FAM20C: variants seen among roughly 807,000 people sequenced by gnomAD.
The protein encoded by FAM20C is extracellular serine/threonine protein kinase FAM20C.
A neutral mutation model predicts 51.5 loss-of-function variants in FAM20C; 40 were observed. That is an observed-to-expected ratio of 0.78 (90% CI 0.60 to 1.01). The LOEUF (loss-of-function observed/expected upper bound fraction) is 1.01. Ranked by LOEUF, FAM20C falls within the 50% of genes least tolerant of loss-of-function variation. The pLI is 0.00. For synonymous variants in FAM20C, 406 were observed against 380.6 expected, an observed-to-expected ratio of 1.07 and a Z score of -0.78; for missense variants, 861 against 844.7, an observed-to-expected ratio of 1.02 and a Z score of -0.24.
At chr7:232,335 C>T (rs1328914591) in intron 3 of FAM20C, among the ~76,000 whole-genome samples, 1 of 152,230 alleles carries the variant, frequency 6.6e-6, no homozygotes, top group Non-Finnish European at 1.5e-5. Context: ...GCCCAGCCCC[C>T]CACCTCTCAG....
At chr7:228,106 G>A (rs1317217859) in intron 3 of FAM20C, 3 of 267,328 alleles carry the variant, frequency 1.1e-5, no homozygotes, top group Non-Finnish European at 2.2e-5. Flanking sequence ...AGAGCTGATG[G>A]GGGACGGCGG....
chr7:201,622 T>G (rs1786130468), intron 2 of FAM20C, among the ~76,000 whole-genome samples: 1 of 152,232 alleles, frequency 6.6e-6, no homozygotes, highest in South Asian at 2.1e-4. Flanking sequence ...GTTATGTGGC[T>G]TGCCTAAGGC....
intron 3 of FAM20C, among the ~76,000 whole-genome samples, chr7:233,917 A>G (rs1460678592): frequency 3.3e-5 from 5 of 152,188 alleles, no homozygotes; most frequent in Admixed American, 6.5e-5. Flanking sequence ...AAATCCTTCT[A>G]AGGGAAGGGG....
At chr7:224,229 C>A (rs1215286565) in intron 3 of FAM20C, among the ~76,000 whole-genome samples, 1 of 132,110 alleles carries the variant, frequency 7.6e-6, no homozygotes, top group Non-Finnish European at 1.6e-5. Flanking sequence ...AGCCTTCTCT[C>A]ACGGAGCAGA....
At chr7:253,324 G>A (rs1168355565) in intron 5 of FAM20C, among the ~76,000 whole-genome samples, 6 of 152,178 alleles carry the variant, frequency 3.9e-5, no homozygotes, top group African/African-American at 1.4e-4. Context: ...AAGGAATGGT[G>A]GGAGACGCTT....
intron 2 of FAM20C, among the ~76,000 whole-genome samples, chr7:196,191 T>G (rs778632663): frequency 8.5e-5 from 13 of 152,208 alleles, no homozygotes; most frequent in Non-Finnish European, 1.5e-4. Context: ...AAGCCGTCCT[T>G]CGTCAGACCT....
At chr7:247,537 T>C (rs1788217018) in intron 4 of FAM20C, among the ~76,000 whole-genome samples, 2 of 152,212 alleles carry the variant, frequency 1.3e-5, no homozygotes, top group African/African-American at 4.8e-5. Flanking sequence ...AGATCCCTAG[T>C]GACGCGGGCG....
intron 2 of FAM20C, among the ~76,000 whole-genome samples, chr7:196,957 C>A (rs548683811): frequency 6.6e-6 from 1 of 152,152 alleles, no homozygotes; most frequent in Admixed American, 6.5e-5. Flanking sequence ...TCCAGGCCCC[C>A]CTCCGTGAAA....
At chr7:197,834 C>G (rs1196444069) in intron 2 of FAM20C, among the ~76,000 whole-genome samples, 2 of 152,192 alleles carry the variant, frequency 1.3e-5, no homozygotes, top group African/African-American at 2.4e-5. Context: ...TGTGGGGCCC[C>G]CTGGGACCTG....
chr7:193,605 C>T lies in FAM20C; in HGVS notation c.406C>T (p.His136Tyr). 6.5e-7 allele frequency: 1 copy of T among 1,537,168 alleles called. No individual in the cohort carries two copies. The highest frequency in any genetic ancestry group is 8.8e-7 in the Non-Finnish European group (1 of 1,141,964). Residue 136 changes from histidine (H) to tyrosine (Y), a missense_variant, in exon 1 of 10, where the codon CAC (histidine) becomes TAC (tyrosine). Physicochemically the swap from His to Tyr is moderately conservative, Grantham distance 83 (BLOSUM62 2). Around this residue, in one of 3 missense-constraint regions of FAM20C, gnomAD observed 561 missense variants for 499.8 expected, o/e 1.12. Coordinates refer to ENST00000313766, the MANE Select transcript of FAM20C (RefSeq NM_020223.4). ...CGCCCTAAGACCCCACGACCCCGCGCACCGGCCGCTGCTGCGAGACCCCGG... is the reference window on the plus strand; with the variant it reads ...CGCCCTAAGACCCCACGACCCCGCGTACCGGCCGCTGCTGCGAGACCCCGG... ...PGALRPHDPA[H>Y]RPLLRDPGPR...
intron 2 of FAM20C, among the ~76,000 whole-genome samples, chr7:206,502 C>A (rs1394540924): frequency 6.7e-6 from 1 of 150,184 alleles, no homozygotes; most frequent in Non-Finnish European, 1.5e-5. Flanking sequence ...CACACGTGTC[C>A]ACTGTGACGC....
chr7:201,826 C>A (rs1786139670), intron 2 of FAM20C, among the ~76,000 whole-genome samples: 1 of 152,208 alleles, frequency 6.6e-6, no homozygotes, highest in Non-Finnish European at 1.5e-5. Flanking sequence ...CCAGTGGCGT[C>A]CGAGGGTCTG....
chr7:230,372 T>TGGGGGGGGG (rs58866144), intron 3 of FAM20C, among the ~76,000 whole-genome samples: 4 of 7,466 alleles, frequency 5.4e-4, no homozygotes, highest in African/African-American at 9.8e-4. Flanking sequence ...CAGGACGGGG[T>TGGGGGGGGG]GGGGGGGGGG....
rs549884975 is a variant in FAM20C, at chr7:255,765, C to T, written c.1073-84C>T. On this transcript the variant is annotated intron_variant, in intron 5 of 9. Transcript: ENST00000313766. ...CCCATGAGAAGCACCAGGCAGAGCC[C>T]GGCCCGGCCTTGGGGGCCGTGAGAC... is the stretch of plus-strand genomic sequence containing the variant. 3.1e-5 allele frequency: 45 copies of T among 1,457,738 alleles called. No individual in the cohort carries two copies. The Admixed American group carries it at 4.3e-4, about 14-fold the overall frequency. 90.3% of individuals were successfully genotyped at this position (1,457,738 alleles called of 1,614,324 possible). A position where few individuals can be genotyped will look rare whatever the true frequency, so the allele number is the denominator to read the frequency against.
intron 3 of FAM20C, among the ~76,000 whole-genome samples, chr7:212,412 G>A (rs1483429231): frequency 6.6e-6 from 1 of 152,130 alleles, no homozygotes; most frequent in Non-Finnish European, 1.5e-5. Flanking sequence ...ACAGTGAGCC[G>A]AGCTGACGCC....
chr7:217,402 G>T (rs1787042092), intron 3 of FAM20C, among the ~76,000 whole-genome samples: 2 of 152,292 alleles, frequency 1.3e-5, no homozygotes, highest in African/African-American at 4.8e-5. Flanking sequence ...GCCCCTCCCG[G>T]GTGCCCCCCT....
Position 193,730 on chromosome 7 carries a change from C to G in FAM20C, c.531C>G (p.Leu177=). The G allele has an allele frequency of 6.5e-7, 1 of 1,547,668 alleles. No individual in the cohort carries two copies. ...TTTACCGGGTGGCGGTTCCGCCGCTCACGGAGGAGGACGTCCTGTTCAATG... is the reference window on the plus strand; with the variant it reads ...TTTACCGGGTGGCGGTTCCGCCGCTGACGGAGGAGGACGTCCTGTTCAATG... ...HPLYRVAVPP[L]TEEDVLFNVN... is the part of the protein sequence containing the mutation. Residue 177 remains leucine (L), a synonymous_variant, in exon 1 of 10, where the codon CTC becomes CTG. Coordinates refer to ENST00000313766, the MANE Select transcript of FAM20C (RefSeq NM_020223.4).
At position 252,092 on chromosome 7, in the gene FAM20C, G is replaced by C. The variant is rs551206252; in HGVS notation, c.1072+3662G>C. Among the ~76,000 whole-genome samples the C allele has an allele frequency of 1.1e-4, 16 of 152,366 alleles. No homozygotes were observed. The South Asian group carries it at 3.3e-3, about 32-fold the overall frequency. On this transcript the variant is annotated intron_variant, in intron 5 of 9. Transcript: ENST00000313766. Reference sequence around the variant, plus strand: ...TAGAGAACAAAATCTGTTCAGATTCGTTTGCTCCACTTTGCTTTGCATGTG... The same window carrying C: ...TAGAGAACAAAATCTGTTCAGATTCCTTTGCTCCACTTTGCTTTGCATGTG...
intron 3 of FAM20C, among the ~76,000 whole-genome samples, chr7:224,203 C>T (rs1328214215): frequency 2.2e-3 from 286 of 130,022 alleles, no homozygotes; most frequent in African/African-American, 7.9e-3. Context: ...CGGGGTCGCA[C>T]GGCGGCTGTC....
Sources: gnomAD v4.1 joint callset for allele counts (sites outside exome capture counted in the v4.1 genomes callset) on GRCh38, gnomAD v4.1.1 for gene constraint, gnomAD v4.1.1 regional missense constraint, MANE v1.5 for transcripts, NCBI Gene and HGNC (gene_info 2026-07-23, HGNC 2026-07-21) for gene names.